The following RAB38 variants were observed in gnomAD, a reference collection of about 807,000 sequenced individuals.
RAB38 encodes RAB38, member RAS oncogene family, also known as ras-related protein Rab-38.
RAB38 carries 15 observed loss-of-function variants against 18.4 expected under a neutral mutation model. The ratio of observed to expected loss-of-function variants is 0.82; its 90% CI spans 0.55 to 1.26. The LOEUF (loss-of-function observed/expected upper bound fraction) is 1.26, where lower values mean the gene tolerates loss of function less well. Ranked by LOEUF, RAB38 falls within the 50% of genes most tolerant of loss-of-function variation. RAB38 has a pLI of 0.00. For synonymous variants in RAB38, 101 were observed against 104.4 expected (o/e 0.97, Z 0.20); for missense variants, 294 against 267.4 (o/e 1.10, Z -0.69).
chr11:87,886,093 C>G, the RAB38 span, among the ~76,000 whole-genome samples: 29 of 152,042 alleles, frequency 1.9e-4, no homozygotes, highest in African/African-American at 7.0e-4. Flanking sequence ...ACTCCCACAT[C>G]CTCACCACCT....
chr11:87,955,071 G>C, the RAB38 span, among the ~76,000 whole-genome samples: 104 of 152,302 alleles, frequency 6.8e-4, no homozygotes, highest in Non-Finnish European at 1.2e-3. Context: ...AGCATAGTGG[G>C]AGCTGCAAAG....
chr11:88,079,256 G>A, the RAB38 span, among the ~76,000 whole-genome samples: 1 of 151,688 alleles, frequency 6.6e-6, no homozygotes, highest in Admixed American at 6.6e-5. Flanking sequence ...AGCATTATAA[G>A]TCCAACAGAC....
At chr11:88,162,831 C>T (rs974161024) in intron 1 of RAB38, among the ~76,000 whole-genome samples, 10 of 152,076 alleles carry the variant, frequency 6.6e-5, no homozygotes. Context: ...TTGACCCAAC[C>T]TATGCCTTGC....
chr11:87,836,243 C>T, the RAB38 span, among the ~76,000 whole-genome samples: 2 of 152,248 alleles, frequency 1.3e-5, no homozygotes, highest in South Asian at 2.1e-4. Flanking sequence ...AAACACTCCA[C>T]TGAAAACTAA....
the RAB38 span, among the ~76,000 whole-genome samples, chr11:87,959,958 G>C: frequency 0.019 from 2,952 of 152,010 alleles, 98 homozygotes; most frequent in African/African-American, 0.065. Flanking sequence ...ACTGTTTTTT[G>C]GGTTTCTTCA....
the RAB38 span, among the ~76,000 whole-genome samples, chr11:87,909,667 C>T: frequency 2.0e-5 from 3 of 152,006 alleles, no homozygotes; most frequent in Non-Finnish European, 2.9e-5. Context: ...CCTACTTTAC[C>T]CAGCATTCAT....
At chr11:87,861,758 T>A in the RAB38 span, among the ~76,000 whole-genome samples, 1 of 151,820 alleles carries the variant, frequency 6.6e-6, no homozygotes, top group Non-Finnish European at 1.5e-5. Context: ...CAATGGGAAA[T>A]CATTAGACAC....
At chr11:88,021,409 A>C in the RAB38 span, among the ~76,000 whole-genome samples, 1 of 152,002 alleles carries the variant, frequency 6.6e-6, no homozygotes, top group Admixed American at 6.6e-5. Context: ...AACCAAACAG[A>C]CCAATAATAA....
At chr11:87,856,608 A>C in the RAB38 span, among the ~76,000 whole-genome samples, 3 of 152,170 alleles carry the variant, frequency 2.0e-5, no homozygotes, top group Admixed American at 2.0e-4. Flanking sequence ...TTTCCCATCA[A>C]ACCTGAGAAT....
At chr11:88,037,997 T>C in the RAB38 span, among the ~76,000 whole-genome samples, 1 of 152,198 alleles carries the variant, frequency 6.6e-6, no homozygotes, top group African/African-American at 2.4e-5. Context: ...TTATGTAATA[T>C]AGTATTGTGT....
chr11:87,916,552 C>G, the RAB38 span, among the ~76,000 whole-genome samples: 1 of 152,138 alleles, frequency 6.6e-6, no homozygotes, highest in African/African-American at 2.4e-5. Context: ...ATGGACCTCA[C>G]TAGATACCAA....
chr11:87,933,679 A>C, the RAB38 span, among the ~76,000 whole-genome samples: 3 of 151,982 alleles, frequency 2.0e-5, no homozygotes, highest in Admixed American at 2.0e-4. Flanking sequence ...CTTAAAAAGA[A>C]GCCTAGATTT....
chr11:87,854,843 G>A, the RAB38 span, among the ~76,000 whole-genome samples: 1 of 152,090 alleles, frequency 6.6e-6, no homozygotes, highest in Non-Finnish European at 1.5e-5. Flanking sequence ...GGCCCAGGCT[G>A]GAGTGCAGTG....
chr11:87,941,449 A>G, the RAB38 span, among the ~76,000 whole-genome samples: 1 of 151,456 alleles, frequency 6.6e-6, no homozygotes, highest in Non-Finnish European at 1.5e-5. Context: ...CAAAAAATCA[A>G]AAGGCACATC....
At chr11:87,915,265 C>T in the RAB38 span, among the ~76,000 whole-genome samples, 1 of 152,086 alleles carries the variant, frequency 6.6e-6, no homozygotes, top group African/African-American at 2.4e-5. Flanking sequence ...CTGAGACCTA[C>T]TGGGTTACAT....
chr11:87,926,201 A>G, the RAB38 span, among the ~76,000 whole-genome samples: 1 of 151,856 alleles, frequency 6.6e-6, no homozygotes, highest in Non-Finnish European at 1.5e-5. Flanking sequence ...CAACCTTATG[A>G]TTTTACCCTC....
At chr11:88,077,541 T>C in the RAB38 span, among the ~76,000 whole-genome samples, 1 of 152,058 alleles carries the variant, frequency 6.6e-6, no homozygotes, top group Non-Finnish European at 1.5e-5. Context: ...GCCAAGAACA[T>C]GCAATAGGGA....
At chr11:88,089,023 C>T in the RAB38 span, among the ~76,000 whole-genome samples, 1 of 151,478 alleles carries the variant, frequency 6.6e-6, no homozygotes, top group African/African-American at 2.4e-5. Context: ...AGCAGCAAGA[C>T]ACAACAACAG....
At chr11:87,809,919 ATC>A in the RAB38 span, among the ~76,000 whole-genome samples, 3 of 149,928 alleles carry the variant, frequency 2.0e-5, no homozygotes, top group Non-Finnish European at 3.0e-5. Context: ...AAAATATTAT[ATC>A]TCTTTTGAAT....
Sources: gnomAD v4.1 joint callset for allele counts (sites outside exome capture counted in the v4.1 genomes callset) on GRCh38, gnomAD v4.1.1 for gene constraint, MANE v1.5 for transcripts, NCBI Gene and HGNC (gene_info 2026-07-23, HGNC 2026-07-21) for gene names.